ESRRG: variants seen among roughly 807,000 people sequenced by gnomAD.
ESRRG encodes estrogen-related receptor gamma.
A neutral mutation model predicts 44.0 loss-of-function variants in ESRRG; 13 were observed. That is an observed-to-expected ratio of 0.30 (90% CI 0.19 to 0.47). The LOEUF (loss-of-function observed/expected upper bound fraction) is 0.47. Ranked by LOEUF, ESRRG falls within the 20% of genes least tolerant of loss-of-function variation. ESRRG has a pLI of 1.00. For synonymous variants in ESRRG, 215 were observed against 214.6 expected (o/e 1.00, Z -0.02); for missense variants, 395 against 580.6 (o/e 0.68, Z 3.29).
chr1:217,025,996 A>T (rs2081120676), intron 1 of ESRRG, among the ~76,000 whole-genome samples: 1 of 152,190 alleles, frequency 6.6e-6, no homozygotes, highest in African/African-American at 2.4e-5. Flanking sequence ...TTCTTGTAAA[A>T]TGATAAGAAC....
chr1:217,096,562 C>G (rs529329203), intron 1 of ESRRG, among the ~76,000 whole-genome samples: 1 of 152,278 alleles, frequency 6.6e-6, no homozygotes, highest in East Asian at 1.9e-4. Context: ...AGGTAACGAT[C>G]CTTAGAGCAC....
chr1:217,008,093 C>T (rs1196631912), intron 1 of ESRRG, among the ~76,000 whole-genome samples: 1 of 152,188 alleles, frequency 6.6e-6, no homozygotes, highest in East Asian at 1.9e-4. Context: ...ACAGCTACAA[C>T]AACAGAAACT....
intron 1 of ESRRG, among the ~76,000 whole-genome samples, chr1:217,116,186 C>G (rs1480133785): frequency 6.6e-6 from 1 of 152,096 alleles, no homozygotes; most frequent in African/African-American, 2.4e-5. Context: ...AGGCACTTTT[C>G]CATTTTATGG....
intron 1 of ESRRG, among the ~76,000 whole-genome samples, chr1:217,098,914 A>G (rs1015186047): frequency 2.6e-5 from 4 of 152,166 alleles, no homozygotes. Context: ...AGGACTACCT[A>G]TGTCACCTGA....
intron 3 of ESRRG, among the ~76,000 whole-genome samples, chr1:216,576,119 C>T (rs1375529775): frequency 6.6e-6 from 1 of 152,010 alleles, no homozygotes; most frequent in Non-Finnish European, 1.5e-5. Flanking sequence ...GGCAGAGCCA[C>T]CTTCCAGTTG....
At chr1:216,651,156 G>T in intron 2 of ESRRG, 67 bp from the exon 3 acceptor site, 1 of 1,006,266 alleles carries the variant, frequency 9.9e-7, no homozygotes, top group Non-Finnish European at 1.6e-6. Context: ...CTTCCCAAAG[G>T]CAATGTCAAC....
At chr1:216,771,818 T>TTTG (rs2093395555) in intron 2 of ESRRG, among the ~76,000 whole-genome samples, 1 of 106,658 alleles carries the variant, frequency 9.4e-6, no homozygotes, top group African/African-American at 4.7e-5. Context: ...TTTGTGGTGT[T>TTTG]TTTTTTTTTT....
intron 2 of ESRRG, among the ~76,000 whole-genome samples, chr1:216,781,427 C>T (rs1049826772): frequency 6.6e-6 from 1 of 151,984 alleles, no homozygotes; most frequent in African/African-American, 2.4e-5. Flanking sequence ...TCTAAATGGC[C>T]TTCAAATTCT....
intron 2 of ESRRG, among the ~76,000 whole-genome samples, chr1:216,898,464 A>G (rs1009864934): frequency 3.9e-5 from 6 of 152,048 alleles, no homozygotes; most frequent in African/African-American, 1.4e-4. Context: ...CTAAAAATAC[A>G]AAAATTAGCT....
intron 2 of ESRRG, among the ~76,000 whole-genome samples, chr1:216,747,982 T>C (rs1216164668): frequency 1.3e-5 from 2 of 152,188 alleles, no homozygotes; most frequent in Admixed American, 6.6e-5. Context: ...GTTAATTCTA[T>C]GATGTCAGTA....
At chr1:216,905,241 A>T (rs191182196) in intron 2 of ESRRG, among the ~76,000 whole-genome samples, 1 of 152,170 alleles carries the variant, frequency 6.6e-6, no homozygotes, top group East Asian at 1.9e-4. Flanking sequence ...ATCGGGTCTC[A>T]GCTTACCTGC....
chr1:216,710,308 G>A (rs2083334522), intron 1 of ESRRG, among the ~76,000 whole-genome samples: 7 of 152,166 alleles, frequency 4.6e-5, no homozygotes, highest in Admixed American at 4.6e-4. Flanking sequence ...TAACGAAGAA[G>A]CTGGACAAAA....
At chr1:216,956,817 T>C (rs1002003748) in intron 1 of ESRRG, among the ~76,000 whole-genome samples, 1 of 152,148 alleles carries the variant, frequency 6.6e-6, no homozygotes, top group Non-Finnish European at 1.5e-5. Context: ...GAACAATTCC[T>C]ATGTCACTTG....
chr1:217,105,587 C>T (rs1230300856), intron 1 of ESRRG, among the ~76,000 whole-genome samples: 1 of 152,156 alleles, frequency 6.6e-6, no homozygotes, highest in Non-Finnish European at 1.5e-5. Flanking sequence ...CCCCTGGACT[C>T]CCTGGCTGGC....
At chr1:217,006,195 T>C in intron 1 of ESRRG, among the ~76,000 whole-genome samples, 1 of 152,268 alleles carries the variant, frequency 6.6e-6, no homozygotes, top group East Asian at 1.9e-4. Flanking sequence ...ACATAAGTTA[T>C]GCTAAGAATG....
Position 216,998,544 on chromosome 1 carries a change from T to C in ESRRG, c.-105-58871A>G, listed in dbSNP as rs893011779. ...TTTTTTGCAAATATAAATCCACTTA[T>C]AATATTGTTATCATTTAATTATCCC... On this transcript the variant is annotated intron_variant, in intron 1 of 7. Coordinates refer to the ESRRG transcript ENST00000359162. 2.6e-5 allele frequency among the ~76,000 whole-genome samples: 4 copies of C among 152,328 alleles called. No individual in the cohort carries two copies. In the South Asian group the frequency reaches 8.3e-4, roughly 32 times the overall value.
At position 217,077,829 on chromosome 1, in the gene ESRRG, G is replaced by A. The variant is rs1178278241; in HGVS notation, c.-106+11678C>T. 3.3e-5 allele frequency among the ~76,000 whole-genome samples: 5 copies of A among 152,158 alleles called. No homozygotes were observed. In the East Asian group the frequency reaches 9.6e-4, roughly 29 times the overall value. On this transcript the variant is annotated intron_variant, in intron 1 of 7. Coordinates refer to the ESRRG transcript ENST00000359162. Reference sequence around the variant, plus strand: ...CTAACTTGTTTCTCAAGATGGACATGACCAACAATTACAATTCCTAATAAA... The same window carrying A: ...CTAACTTGTTTCTCAAGATGGACATAACCAACAATTACAATTCCTAATAAA...
At chr1:216,807,408 T>C (rs1227743729) in intron 2 of ESRRG, among the ~76,000 whole-genome samples, 1 of 152,182 alleles carries the variant, frequency 6.6e-6, no homozygotes, top group Non-Finnish European at 1.5e-5. Flanking sequence ...ACATTGCTAT[T>C]TTTGGATCAG....
At chr1:216,553,222 G>A (rs1412201130) in intron 5 of ESRRG, among the ~76,000 whole-genome samples, 1 of 152,140 alleles carries the variant, frequency 6.6e-6, no homozygotes, top group Non-Finnish European at 1.5e-5. Context: ...ATGTGCCCTG[G>A]CACAAACGTG....
Sources: allele counts gnomAD v4.1 joint callset (sites outside exome capture counted in the v4.1 genomes callset), GRCh38; gene constraint gnomAD v4.1.1; transcripts MANE v1.5; gene names NCBI Gene and HGNC (gene_info 2026-07-23, HGNC 2026-07-21).